Variants in ADGRA2 observed in about 807,000 individuals in gnomAD.
ADGRA2 encodes adhesion G protein-coupled receptor A2.
A neutral mutation model predicts 98.7 loss-of-function variants in ADGRA2; 61 were observed. The ratio of observed to expected loss-of-function variants is 0.62; its 90% CI spans 0.50 to 0.76. The LOEUF (loss-of-function observed/expected upper bound fraction) is 0.76. ADGRA2 is among the 30% of genes least tolerant of loss of function. ADGRA2 has a pLI of 0.00. For synonymous variants in ADGRA2, 858 were observed against 831.5 expected (o/e 1.03, Z -0.55); for missense variants, 1,712 against 1,860.0 (o/e 0.92, Z 1.46).
chr8:37,816,788 C>T (rs910092094), intron 2 of ADGRA2, among the ~76,000 whole-genome samples: 1 of 151,758 alleles, frequency 6.6e-6, no homozygotes, highest in Non-Finnish European at 1.5e-5. Flanking sequence ...TGGTGGCATG[C>T]GCCTGTAGTC....
chr8:37,810,060 A>G (rs1005340349), intron 1 of ADGRA2, among the ~76,000 whole-genome samples: 1 of 152,240 alleles, frequency 6.6e-6, no homozygotes, highest in African/African-American at 2.4e-5. Flanking sequence ...AGGACATTCC[A>G]GAGTCCTAAG....
chr8:37,832,955 G>A (rs1805496532), intron 8 of ADGRA2, 55 bp from the exon 9 acceptor site: 3 of 1,360,968 alleles, frequency 2.2e-6, no homozygotes, highest in Non-Finnish European at 3.1e-6. Flanking sequence ...GTCGGGAGAA[G>A]GGCTGTTGTT....
intron 2 of ADGRA2, among the ~76,000 whole-genome samples, chr8:37,824,152 T>C (rs1805201794): frequency 6.6e-6 from 1 of 151,444 alleles, no homozygotes; most frequent in Admixed American, 6.6e-5. Context: ...CTGCCTCTGC[T>C]TCCTGAATAG....
chr8:37,809,384 C>T (rs1804763850), intron 1 of ADGRA2, among the ~76,000 whole-genome samples: 1 of 151,986 alleles, frequency 6.6e-6, no homozygotes, highest in Non-Finnish European at 1.5e-5. Context: ...CCACAAGGCA[C>T]CCTCTGGAGA....
At chr8:37,831,350 G>T (rs1805446262) in intron 7 of ADGRA2, 73 bp from the exon 8 acceptor site, 3 of 1,409,948 alleles carry the variant, frequency 2.1e-6, no homozygotes, top group African/African-American at 1.4e-5. Context: ...AGTGTTGTAG[G>T]ACGGTGCTGA....
rs772964790 is a variant in ADGRA2, at chr8:37,844,278, C to T, written c.*1923C>T. On this transcript the variant is annotated 3_prime_UTR_variant, in exon 19 of 19. Transcript: ENST00000412232. ...TGGACATAGGCAACTTGCTCTCCCA[C>T]ACCAAGGGATGGGAATCTCTCCTAC... is the stretch of plus-strand genomic sequence containing the variant. 7.0e-5 allele frequency: 42 copies of T among 597,798 alleles called. No individual in the cohort carries two copies. Among genetic ancestry groups the T allele is most frequent in the Non-Finnish European group, 1.0e-4 (34 of 336,768 alleles). 37.0% of individuals were successfully genotyped at this position (597,798 alleles called of 1,614,324 possible).
chr8:37,840,001 TA>T, intron 16 of ADGRA2, 119 bp from the exon 17 acceptor site: 1 of 904,886 alleles, frequency 1.1e-6, no homozygotes, highest in Non-Finnish European at 1.7e-6. Context: ...GTGGGCTGGG[TA>T]AAGTAAAAAA....
At chr8:37,799,593 C>A (rs1295254051) in intron 1 of ADGRA2, among the ~76,000 whole-genome samples, 4 of 152,116 alleles carry the variant, frequency 2.6e-5, no homozygotes, top group African/African-American at 9.7e-5. Flanking sequence ...ATGGTTAATT[C>A]CTATCCACGC....
rs370345639 is a variant in ADGRA2, at chr8:37,841,103, G to A, written c.2765G>A (p.Arg922His). 1.7e-5 allele frequency: 27 copies of A among 1,600,482 alleles called. No homozygotes were observed. Among genetic ancestry groups the A allele is most frequent in the African/African-American group, 2.7e-5 (2 of 74,754 alleles). Reference sequence around the variant, plus strand: ...TCCTACAGCTGCTGGCTGGTGTGGCGTCCAAGCCTTGGCGCCTTCTACATC... The same window carrying A: ...TCCTACAGCTGCTGGCTGGTGTGGCATCCAAGCCTTGGCGCCTTCTACATC... ...DHSPYCWLVWRPSLGAFYIPV... is the reference protein window; with the variant it reads ...DHSPYCWLVWHPSLGAFYIPV... The change falls in exon 19 of 19, where the codon CGT (arginine) becomes CAT (histidine). Residue 922 changes from arginine to histidine, a missense_variant. Physicochemically the swap from Arg to His is conservative, Grantham distance 29. Transcript: ENST00000412232. The surrounding 1 kb of genome is among the most constrained non-coding windows in gnomAD (Gnocchi z 5.0).
intron 18 of ADGRA2, 100 bp downstream of exon 18, chr8:37,840,949 C>T: frequency 2.6e-6 from 3 of 1,164,454 alleles, no homozygotes; most frequent in Non-Finnish European, 3.8e-6. Context: ...AGCCATAACC[C>T]AACCCAAGCC....
At chr8:37,833,886 A>C (rs2130027361) in intron 10 of ADGRA2, 49 bp downstream of exon 10, 1 of 1,609,484 alleles carries the variant, frequency 6.2e-7, no homozygotes, top group East Asian at 2.2e-5. Context: ...CCCATCCCTC[A>C]TTTGCTCAAG....
At chr8:37,798,949 C>T (rs1804419871) in intron 1 of ADGRA2, among the ~76,000 whole-genome samples, 1 of 152,238 alleles carries the variant, frequency 6.6e-6, no homozygotes, top group Admixed American at 6.5e-5. Flanking sequence ...CAGGGCAGCT[C>T]TCTCTGACTG....
chr8:37,841,734 C>G lies in ADGRA2; in HGVS notation c.3396C>G (p.Gly1132=). The G allele has an allele frequency of 6.5e-7, 1 of 1,541,474 alleles. No homozygotes were observed. The highest frequency in any genetic ancestry group is 8.7e-7 in the Non-Finnish European group (1 of 1,144,386). Residue 1132 remains glycine, a synonymous_variant, in exon 19 of 19, where the codon GGC becomes GGG. Coordinates refer to ENST00000412232, the MANE Select transcript of ADGRA2 (RefSeq NM_032777.10). This position sits in a 1 kb window ranked among gnomAD's most constrained non-coding sequence, Gnocchi z 5.0. ...GCAGCGGCCATCCGCTGGCTCTGGG[C>G]CCCTGCAAGCTCACCAACCTGCAGC... ...SGSSGHPLAL[G]PCKLTNLQLA...
intron 1 of ADGRA2, among the ~76,000 whole-genome samples, chr8:37,801,965 G>T (rs1804520265): frequency 6.6e-6 from 1 of 152,246 alleles, no homozygotes; most frequent in African/African-American, 2.4e-5. Context: ...CCCAGAACAG[G>T]CAAACCCTCA....
rs1420753051 is a variant in ADGRA2 at position 37,841,330 on chromosome 8, G to C, written c.2992G>C (p.Ala998Pro). Residue 998 changes from alanine to proline, a missense_variant, in exon 19 of 19, where the codon GCG (alanine) becomes CCG (proline). Coordinates refer to ENST00000412232, the MANE Select transcript of ADGRA2 (RefSeq NM_032777.10). The surrounding 1 kb of genome is among the most constrained non-coding windows in gnomAD (Gnocchi z 5.0). Reference protein sequence around the residue: ...DSGSLLATGSARVGTPGPPED... With the variant: ...DSGSLLATGSPRVGTPGPPED... Reference sequence around the variant, plus strand: ...AGGTTCCCTTCTTGCTACTGGGAGCGCGCGAGTGGGGACGCCCGGGCCCCC... The same window carrying C: ...AGGTTCCCTTCTTGCTACTGGGAGCCCGCGAGTGGGGACGCCCGGGCCCCC... 2 of 1,606,174 alleles carry C rather than the reference G, an allele frequency of 1.2e-6. No individual in the cohort carries two copies. Among genetic ancestry groups the C allele is most frequent in the African/African-American group, 2.7e-5 (2 of 74,952 alleles).
Position 37,835,418 on chromosome 8 carries a change from G to T in ADGRA2, c.1833+20G>T. ...ATCAAGGTGGGCGCTGGGGGAGGGA[G>T]AGGGGGTGGGAGAAGGGAGGCACTC... On this transcript the variant is annotated intron_variant, in intron 12 of 18. Transcript: ENST00000412232. 1.3e-6 allele frequency: 2 copies of T among 1,593,308 alleles called. No homozygotes were observed. Among genetic ancestry groups the T allele is most frequent in the Non-Finnish European group, 1.7e-6 (2 of 1,167,080 alleles).
Position 37,835,549 on chromosome 8 carries a change from C to T in ADGRA2, c.1834-5C>T. ...TGTCTCTGAGGAGCTCCTATGTCCCCCCAGAACAGCGTGGCCCTGGCCTCC... is the reference window on the plus strand; with the variant it reads ...TGTCTCTGAGGAGCTCCTATGTCCCTCCAGAACAGCGTGGCCCTGGCCTCC... On this transcript the variant is annotated splice_polypyrimidine_tract_variant and splice_region_variant and intron_variant, in intron 12 of 18. Transcript: ENST00000412232. 1.9e-6 allele frequency: 3 copies of T among 1,601,144 alleles called. 1 individual carries two copies. In the East Asian group the frequency reaches 6.7e-5, roughly 36 times the overall value.
chr8:37,807,981 C>T (rs1458668147), intron 1 of ADGRA2, among the ~76,000 whole-genome samples: 2 of 152,194 alleles, frequency 1.3e-5, no homozygotes, highest in African/African-American at 2.4e-5. Context: ...GTATCTGGTA[C>T]GTTCCTGCGG....
intron 13 of ADGRA2, among the ~76,000 whole-genome samples, chr8:37,836,038 A>AACACACACACACACACAC (rs58082798): frequency 3.2e-5 from 4 of 124,572 alleles, no homozygotes; most frequent in East Asian, 2.4e-4. Context: ...AGCCCCCTCC[A>AACACACACACACACACAC]ACACACACAC....
Sources: allele counts gnomAD v4.1 joint callset (sites outside exome capture counted in the v4.1 genomes callset), GRCh38; gene constraint gnomAD v4.1.1; non-coding constraint Gnocchi (gnomAD v3.1); transcripts MANE v1.5; gene names NCBI Gene and HGNC (gene_info 2026-07-23, HGNC 2026-07-21).